The following HS3ST3A1 variants were observed in gnomAD, a reference collection of about 807,000 sequenced individuals.
HS3ST3A1 encodes the protein heparan sulfate glucosamine 3-O-sulfotransferase 3A1.
HS3ST3A1 carries 19 observed loss-of-function variants against 25.7 expected under a neutral mutation model. That is an observed-to-expected ratio of 0.74 (90% CI 0.52 to 1.08). The LOEUF (loss-of-function observed/expected upper bound fraction) is 1.08. Among genes scored for constraint, HS3ST3A1 ranks in the 50% least tolerant of loss-of-function variants. The pLI, the probability that HS3ST3A1 is intolerant of heterozygous loss-of-function variation, is 0.00. For synonymous variants in HS3ST3A1, 226 were observed against 278.6 expected (o/e 0.81, Z 1.88); for missense variants, 459 against 594.3 (o/e 0.77, Z 2.37).
chr17:13,590,320 T>A (rs1322900176), intron 1 of HS3ST3A1, among the ~76,000 whole-genome samples: 2 of 76,892 alleles, frequency 2.6e-5, no homozygotes, highest in African/African-American at 4.6e-5. Context: ...AATAGCTCTG[T>A]GAGGTTAAAA....
At chr17:13,548,036 A>C (rs1007609628) in intron 1 of HS3ST3A1, among the ~76,000 whole-genome samples, 1 of 151,912 alleles carries the variant, frequency 6.6e-6, no homozygotes, top group Non-Finnish European at 1.5e-5. Flanking sequence ...TATACTAACC[A>C]AGTCTAAATT....
chr17:13,581,086 A>G (rs1266846056), intron 1 of HS3ST3A1, among the ~76,000 whole-genome samples: 1 of 152,206 alleles, frequency 6.6e-6, no homozygotes, highest in Non-Finnish European at 1.5e-5. Context: ...GTCAAATGGT[A>G]TGCTCAAAGA....
rs759583554 is a variant in HS3ST3A1, at chr17:13,496,462, G to A, written c.956C>T (p.Pro319Leu). ...FVSGERLISD[P>L]AGELGRVQDF... ...TTGCACGCGGCCCAGCTCCCCGGCC[G>A]GGTCGCTGATGAGCCGCTCGCCGCT... The change falls in exon 2 of 2, where the codon CCG (proline) becomes CTG (leucine). Residue 319 changes from proline (P) to leucine (L), a missense_variant. Coordinates refer to ENST00000284110, the MANE Select transcript of HS3ST3A1 (RefSeq NM_006042.3). 2.2e-6 allele frequency: 3 copies of A among 1,384,240 alleles called. No homozygotes were observed. Among genetic ancestry groups the A allele is most frequent in the South Asian group, 1.3e-5 (1 of 77,022 alleles). The allele number at this position is 1,384,240 out of a possible 1,614,324, so 85.7% of individuals were successfully genotyped here.
chr17:13,533,530 T>TTTTTTTTTTTTTTTGAGACGG (rs1195309406), intron 1 of HS3ST3A1, among the ~76,000 whole-genome samples: 1 of 149,636 alleles, frequency 6.7e-6, no homozygotes, highest in Non-Finnish European at 1.5e-5. Context: ...TACTAATTTT[T>TTTTTTTTTTTTTTTGAGACGG]AAGGCAACTC....
At chr17:13,526,265 T>C (rs1289663096) in intron 1 of HS3ST3A1, among the ~76,000 whole-genome samples, 2 of 151,866 alleles carry the variant, frequency 1.3e-5, no homozygotes, top group Non-Finnish European at 2.9e-5. Context: ...CCAGTTGCTG[T>C]CGCCTCAATC....
At chr17:13,577,480 C>T (rs1399032179) in intron 1 of HS3ST3A1, among the ~76,000 whole-genome samples, 1 of 152,202 alleles carries the variant, frequency 6.6e-6, no homozygotes, top group Non-Finnish European at 1.5e-5. Flanking sequence ...ACCAGTACAG[C>T]TAACTTCTCC....
intron 1 of HS3ST3A1, among the ~76,000 whole-genome samples, chr17:13,577,065 G>A (rs1907963325): frequency 1.3e-5 from 2 of 152,162 alleles, no homozygotes; most frequent in African/African-American, 2.4e-5. Context: ...CAGACAAGAG[G>A]GCGTGTGCAG....
chr17:13,592,902 A>T (rs749364214), intron 1 of HS3ST3A1, among the ~76,000 whole-genome samples: 1 of 152,116 alleles, frequency 6.6e-6, no homozygotes, highest in Non-Finnish European at 1.5e-5. Context: ...CTGGCTGAGC[A>T]GTTCCAGTGG....
At chr17:13,508,946 G>A (rs1399260797) in intron 1 of HS3ST3A1, among the ~76,000 whole-genome samples, 1 of 151,568 alleles carries the variant, frequency 6.6e-6, no homozygotes, top group East Asian at 1.9e-4. Context: ...CCTACTTTGA[G>A]GGTAAGCATC....
rs557784766 is a variant in HS3ST3A1, at chr17:13,590,129, T to C, written c.599+10402A>G. Among the ~76,000 whole-genome samples, 3 of 152,298 alleles carry C rather than the reference T, an allele frequency of 2.0e-5. No individual in the cohort carries two copies. In the South Asian group the frequency reaches 6.2e-4, roughly 32 times the overall value. ...TCCATACTCAGATTTCTCCTGCTAA[T>C]CTTTAACAAGCAGGCAACGGCCATA... On this transcript the variant is annotated intron_variant, in intron 1 of 1. Coordinates refer to ENST00000284110, the MANE Select transcript of HS3ST3A1 (RefSeq NM_006042.3).
In HS3ST3A1 at chr17:13,496,066, C is replaced by T. The variant is rs1182659752; in HGVS notation, c.*131G>A. 14 of 1,164,676 alleles carry T rather than the reference C, an allele frequency of 1.2e-5. No homozygotes were observed. Among genetic ancestry groups the T allele is most frequent in the Non-Finnish European group, 1.6e-5 (14 of 857,984 alleles). 72.1% of individuals were successfully genotyped at this position (1,164,676 alleles called of 1,614,324 possible). The stretch of plus-strand genomic sequence containing the variant: ...CATTAAGATGGGGCGGGAGTGAGAA[C>T]AATCTCTTAACATTCATTGAAAAAA... On this transcript the variant is annotated 3_prime_UTR_variant, in exon 2 of 2. Coordinates refer to ENST00000284110, the MANE Select transcript of HS3ST3A1 (RefSeq NM_006042.3).
chr17:13,571,081 T>C (rs183558563), intron 1 of HS3ST3A1, among the ~76,000 whole-genome samples: 37 of 152,268 alleles, frequency 2.4e-4, no homozygotes, highest in Middle Eastern at 3.4e-3. Context: ...AATTCATGCG[T>C]AGTTAGAACT....
At chr17:13,554,908 C>G (rs553434555) in intron 1 of HS3ST3A1, among the ~76,000 whole-genome samples, 1 of 152,058 alleles carries the variant, frequency 6.6e-6, no homozygotes, top group Admixed American at 6.6e-5. Context: ...GGCAGACTGC[C>G]CCCTAACTCT....
chr17:13,534,736 T>C (rs1906717819), intron 1 of HS3ST3A1, among the ~76,000 whole-genome samples: 1 of 151,362 alleles, frequency 6.6e-6, no homozygotes. Context: ...CTCAAAAAAA[T>C]AAATAATGGC....
chr17:13,539,478 T>G (rs1906867292), intron 1 of HS3ST3A1, among the ~76,000 whole-genome samples: 1 of 152,220 alleles, frequency 6.6e-6, no homozygotes, highest in Admixed American at 6.5e-5. Flanking sequence ...CTCTCCATAA[T>G]TTCACTTCAC....
intron 1 of HS3ST3A1, among the ~76,000 whole-genome samples, chr17:13,507,189 T>G (rs1905712206): frequency 6.6e-6 from 1 of 152,136 alleles, no homozygotes. Flanking sequence ...TTCAGGGTCC[T>G]TGGGAAGAGC....
chr17:13,503,173 C>CA (rs144678351), intron 1 of HS3ST3A1, among the ~76,000 whole-genome samples: 4,085 of 86,538 alleles, frequency 0.047, 177 homozygotes, highest in African/African-American at 0.11. Flanking sequence ...GACTCCATCT[C>CA]AAAAAAAAAA....
At chr17:13,578,538 G>A (rs1027070869) in intron 1 of HS3ST3A1, among the ~76,000 whole-genome samples, 16 of 147,000 alleles carry the variant, frequency 1.1e-4, no homozygotes, top group East Asian at 4.1e-4. Flanking sequence ...ACTCCAGCCC[G>A]GGTGACAGAG....
At chr17:13,539,669 G>A (rs1045170305) in intron 1 of HS3ST3A1, among the ~76,000 whole-genome samples, 2 of 152,116 alleles carry the variant, frequency 1.3e-5, no homozygotes, top group Non-Finnish European at 2.9e-5. Context: ...AAGCAATCAA[G>A]CACAAAGAAG....
Sources: gnomAD v4.1 joint callset for allele counts (sites outside exome capture counted in the v4.1 genomes callset) on GRCh38, gnomAD v4.1.1 for gene constraint, MANE v1.5 for transcripts, NCBI Gene and HGNC (gene_info 2026-07-23, HGNC 2026-07-21) for gene names.